Variants in DNAJC15 observed in about 807,000 individuals in gnomAD.
DNAJC15 encodes dnaJ homolog subfamily C member 15.
In DNAJC15, 27 loss-of-function variants were observed where a neutral mutation model predicts 22.4. The observed-to-expected ratio is 1.20, with a 90% CI of 0.89 to 1.66. DNAJC15 has a LOEUF of 1.66. DNAJC15 is among the 40% of genes most tolerant of loss of function. The pLI, the probability that DNAJC15 is intolerant of heterozygous loss-of-function variation, is 0.00. For synonymous variants in DNAJC15, 79 were observed against 63.2 expected (o/e 1.25, Z -1.19); for missense variants, 208 against 187.1 (o/e 1.11, Z -0.65).
chr13:43,028,334 C>T (rs1044628136), intron 1 of DNAJC15, among the ~76,000 whole-genome samples: 1 of 152,208 alleles, frequency 6.6e-6, no homozygotes, highest in Admixed American at 6.5e-5. Flanking sequence ...TTTACCTCCA[C>T]CATTCAGTTC....
chr13:43,028,168 G>C (rs1407764933), intron 1 of DNAJC15, among the ~76,000 whole-genome samples: 1 of 152,114 alleles, frequency 6.6e-6, no homozygotes, highest in Non-Finnish European at 1.5e-5. Flanking sequence ...TCAGTGAATG[G>C]AGTAAGAATT....
intron 1 of DNAJC15, among the ~76,000 whole-genome samples, chr13:43,054,348 T>G (rs2040519542): frequency 6.6e-6 from 1 of 152,210 alleles, no homozygotes; most frequent in African/African-American, 2.4e-5. Context: ...TCAGGGATTT[T>G]GGTCTATAGG....
intron 1 of DNAJC15, 30 bp downstream of exon 1, chr13:43,023,764 T>C (rs755560763): frequency 6.4e-7 from 1 of 1,569,540 alleles, no homozygotes; most frequent in Non-Finnish European, 8.7e-7. Context: ...CCCACCCCTC[T>C]CTGGCTCCCT....
intron 5 of DNAJC15, among the ~76,000 whole-genome samples, chr13:43,087,140 GT>G (rs1421879512): frequency 6.6e-6 from 1 of 152,164 alleles, no homozygotes; most frequent in Admixed American, 6.5e-5. Flanking sequence ...CTATGTTTCT[GT>G]TCAGATCAGA....
At chr13:43,092,315 T>C (rs1361886262) in intron 5 of DNAJC15, among the ~76,000 whole-genome samples, 1 of 152,170 alleles carries the variant, frequency 6.6e-6, no homozygotes, top group Non-Finnish European at 1.5e-5. Flanking sequence ...GGTTAGTGTT[T>C]ACATGGTATA....
intron 5 of DNAJC15, among the ~76,000 whole-genome samples, chr13:43,104,011 C>T (rs1288730423): frequency 6.6e-6 from 1 of 151,966 alleles, no homozygotes; most frequent in Non-Finnish European, 1.5e-5. Context: ...TCTCTTATAA[C>T]AATATATAAC....
chr13:43,065,606 TTA>T lies in DNAJC15; in HGVS notation c.109-78_109-77del, dbSNP rs1412707497. ...AAGAAAGTGTAGTATTGTAATGTAATTATTCTCATTATTAAAAATGATTTACT... is the reference window on the plus strand; with the variant it reads ...AAGAAAGTGTAGTATTGTAATGTAATTTCTCATTATTAAAAATGATTTACT... On this transcript the variant is annotated intron_variant, in intron 1 of 5. Transcript: ENST00000379221. The T allele has an allele frequency of 2.6e-6, 3 of 1,154,600 alleles. No individual in the cohort carries two copies. In the African/African-American group the frequency reaches 4.6e-5, roughly 18 times the overall value. 71.5% of individuals were successfully genotyped at this position (1,154,600 alleles called of 1,614,324 possible). A position where few individuals can be genotyped will look rare whatever the true frequency, so the allele number is the denominator to read the frequency against.
At chr13:43,083,087 A>G (rs1348820910) in intron 4 of DNAJC15, among the ~76,000 whole-genome samples, 1 of 152,102 alleles carries the variant, frequency 6.6e-6, no homozygotes, top group African/African-American at 2.4e-5. Flanking sequence ...TGTTATTTTA[A>G]GGAGTTTACC....
intron 1 of DNAJC15, among the ~76,000 whole-genome samples, chr13:43,042,078 T>G (rs77013239): frequency 0.19 from 29,608 of 152,184 alleles, 3,132 homozygotes; most frequent in Non-Finnish European, 0.24. Flanking sequence ...TATCTGTGGG[T>G]TCTGTGTTCC....
rs568370349 is a variant in DNAJC15, at chr13:43,113,080, A to G, written c.*5832A>G. 2.6e-5 allele frequency: 4 copies of G among 152,362 alleles called. No homozygotes were observed. The highest frequency in any genetic ancestry group is 3.9e-4 in the East Asian group (2 of 5,190). The allele number at this position is 152,362 out of a possible 1,614,324, so 9.4% of individuals were successfully genotyped here. Reference sequence around the variant, plus strand: ...CAGAGTGATGACGGAGGAAGCTTTGATAAGATTTTATCTGAAATGTTCATG... The same window carrying G: ...CAGAGTGATGACGGAGGAAGCTTTGGTAAGATTTTATCTGAAATGTTCATG... On this transcript the variant is annotated 3_prime_UTR_variant, in exon 6 of 6. Transcript: ENST00000379221.
intron 3 of DNAJC15, among the ~76,000 whole-genome samples, chr13:43,073,637 T>TC (rs1566210383): frequency 6.6e-6 from 1 of 152,222 alleles, no homozygotes; most frequent in Non-Finnish European, 1.5e-5. Flanking sequence ...TTTCTTTTTT[T>TC]CTCTGATGTT....
chr13:43,040,690 G>C (rs975387378), intron 1 of DNAJC15, among the ~76,000 whole-genome samples: 9 of 152,052 alleles, frequency 5.9e-5, no homozygotes, highest in African/African-American at 1.9e-4. Flanking sequence ...GGAGGATCTC[G>C]CCGGCCTCTG....
rs544721150 is a variant in DNAJC15 at position 43,074,136 on chromosome 13, T to C, written c.235-4476T>C. On this transcript the variant is annotated intron_variant, in intron 3 of 5. Transcript: ENST00000379221. ...AATAGATTATTGTACATAATAAAGT[T>C]TATAGTTTATGATAAATGTATTCTT... is the stretch of plus-strand genomic sequence containing the variant. Among the ~76,000 whole-genome samples the C allele has an allele frequency of 2.1e-3, 322 of 152,304 alleles. 2 individuals carry two copies. Among genetic ancestry groups the C allele is most frequent in the Non-Finnish European group, 4.0e-3 (274 of 68,020 alleles).
chr13:43,074,876 A>T (rs1040990511), intron 3 of DNAJC15, among the ~76,000 whole-genome samples: 1 of 152,196 alleles, frequency 6.6e-6, no homozygotes, highest in Non-Finnish European at 1.5e-5. Context: ...AATAAACTCA[A>T]TGAGCCCTCC....
intron 4 of DNAJC15, among the ~76,000 whole-genome samples, chr13:43,080,374 G>A (rs956453877): frequency 6.6e-6 from 1 of 152,138 alleles, no homozygotes; most frequent in Non-Finnish European, 1.5e-5. Context: ...CCATGTTTCT[G>A]CAAAGCCCAC....
chr13:43,058,463 TGG>T (rs763361756), intron 1 of DNAJC15, among the ~76,000 whole-genome samples: 18 of 152,122 alleles, frequency 1.2e-4, no homozygotes, highest in East Asian at 1.2e-3. Flanking sequence ...AGATTGTCCT[TGG>T]GCAGGGCTTG....
intron 5 of DNAJC15, among the ~76,000 whole-genome samples, chr13:43,105,330 G>A (rs995906128): frequency 6.6e-6 from 1 of 152,218 alleles, no homozygotes; most frequent in South Asian, 2.1e-4. Context: ...AGCCTTCCAA[G>A]TCCCACAAGA....
At chr13:43,067,443 A>G (rs2040589402) in intron 2 of DNAJC15, among the ~76,000 whole-genome samples, 2 of 152,162 alleles carry the variant, frequency 1.3e-5, no homozygotes. Context: ...CCTAAACATA[A>G]AGGAATTTTA....
At position 43,107,583 on chromosome 13, in the gene DNAJC15, A is replaced by G. The variant is rs991985941; in HGVS notation, c.*335A>G. The stretch of plus-strand genomic sequence containing the variant: ...TGCAAAAAATATGATCAAGAATGCA[A>G]TTGGGATTTGTGAGCAATGAGTAGA... On this transcript the variant is annotated 3_prime_UTR_variant, in exon 6 of 6. Transcript: ENST00000379221. The G allele has an allele frequency of 1.8e-5, 3 of 166,892 alleles. No individual in the cohort carries two copies. In the East Asian group the frequency reaches 4.8e-4, roughly 27 times the overall value. The allele number at this position is 166,892 out of a possible 1,614,324, so 10.3% of individuals were successfully genotyped here.
Sources: gnomAD v4.1 joint callset for allele counts (sites outside exome capture counted in the v4.1 genomes callset) on GRCh38, gnomAD v4.1.1 for gene constraint, MANE v1.5 for transcripts, NCBI Gene and HGNC (gene_info 2026-07-23, HGNC 2026-07-21) for gene names.